ADGB: variants seen among roughly 807,000 people sequenced by gnomAD.
The protein encoded by ADGB is calpain-7-like protein.
In ADGB, 172 loss-of-function variants were observed where a neutral mutation model predicts 210.5. The ratio of observed to expected loss-of-function variants is 0.82; its 90% confidence interval spans 0.72 to 0.93. The LOEUF (loss-of-function observed/expected upper bound fraction) is 0.93. ADGB is among the 40% of genes least tolerant of loss of function. ADGB has a pLI of 0.00. For synonymous variants in ADGB, 658 were observed against 662.7 expected, an observed-to-expected ratio of 0.99 and a Z score of 0.11; for missense variants, 2,025 against 1,964.8, an observed-to-expected ratio of 1.03 and a Z score of -0.58.
At chr6:146,782,729 G>A (rs926300452) in intron 30 of ADGB, among the ~76,000 whole-genome samples, 5 of 152,090 alleles carry the variant, frequency 3.3e-5, no homozygotes, top group African/African-American at 1.2e-4. Flanking sequence ...TTGGAAGGCT[G>A]GGACTCTATA....
chr6:146,710,467 A>C (rs2114556863), intron 13 of ADGB, among the ~76,000 whole-genome samples: 1 of 152,264 alleles, frequency 6.6e-6, no homozygotes, highest in South Asian at 2.1e-4. Context: ...TCTTAGAGAC[A>C]GAAGGTATCC....
chr6:146,793,222 C>A (rs569882038), intron 33 of ADGB, among the ~76,000 whole-genome samples: 2 of 125,288 alleles, frequency 1.6e-5, no homozygotes, highest in African/African-American at 3.9e-5. Flanking sequence ...TTACAGAGCA[C>A]TGATTGGTGC....
Position 146,771,655 on chromosome 6 carries a change from T to C in ADGB, c.3862+2524T>C, listed in dbSNP as rs574588397. ...GGATGGTACAAATCATGTGGTAATT[T>C]TGTGTTCCCCTACTGCAAAGAAGTA... On this transcript the variant is annotated intron_variant, in intron 29 of 35. Transcript: ENST00000397944. 3.0e-3 allele frequency among the ~76,000 whole-genome samples: 460 copies of C among 152,326 alleles called. 4 individuals are homozygous for C. The highest frequency in any genetic ancestry group is 0.011 in the African/African-American group (444 of 41,578).
rs1777159324 is a variant in ADGB, at chr6:146,741,188, C to T, written c.3094C>T (p.Leu1032=). 6.5e-7 allele frequency: 1 copy of T among 1,550,318 alleles called. No individual in the cohort carries two copies. The highest frequency in any genetic ancestry group is 1.4e-5 in the African/African-American group (1 of 73,098). The change falls in exon 25 of 36, where the codon CTA becomes TTA. Residue 1032 remains leucine (L), a synonymous_variant. Transcript: ENST00000397944. ...KVYTTLPICI[L]HIVNNDTMEQ... ...ATATACTACACTTCCAATCTGTATC[C>T]TACACATTGTTAATAATGACACAAT... is the stretch of plus-strand genomic sequence containing the variant.
In ADGB at chr6:146,728,640, T is replaced by A. The variant is rs935555070; in HGVS notation, c.2419T>A (p.Phe807Ile). ...AGCTATTGGAAATGTGATTGCTAAT[T>A]TCAAAGATAAGGGTAAACTCTCTGC... is the stretch of plus-strand genomic sequence containing the variant. The part of the protein sequence containing the change: ...MKAIGNVIAN[F>I]KDKGKLSAAL... Residue 807 changes from phenylalanine to isoleucine, a missense_variant, in exon 20 of 36, where the codon TTC (phenylalanine) becomes ATC (isoleucine). Transcript: ENST00000397944. 2 of 1,551,510 alleles carry A rather than the reference T, an allele frequency of 1.3e-6. No homozygotes were observed. Among genetic ancestry groups the A allele is most frequent in the African/African-American group, 2.7e-5 (2 of 73,038 alleles).
intron 9 of ADGB, among the ~76,000 whole-genome samples, chr6:146,681,574 G>T (rs1399338018): frequency 1.3e-5 from 2 of 151,988 alleles, no homozygotes; most frequent in African/African-American, 4.8e-5. Flanking sequence ...TCTTCAAAGT[G>T]GCCTCTATGA....
chr6:146,807,597 G>A (rs1384948710), intron 35 of ADGB: 1 of 1,532,426 alleles, frequency 6.5e-7, no homozygotes, highest in African/African-American at 1.4e-5. Context: ...ACCAGGGGAT[G>A]TCCAATACCA....
chr6:146,640,171 A>G (rs980206808), intron 2 of ADGB, among the ~76,000 whole-genome samples: 1 of 152,054 alleles, frequency 6.6e-6, no homozygotes, highest in Admixed American at 6.6e-5. Flanking sequence ...AGAGATGGAT[A>G]AATTCCTGGA....
At chr6:146,622,776 T>C (rs1399185610) in intron 1 of ADGB, among the ~76,000 whole-genome samples, 1 of 152,078 alleles carries the variant, frequency 6.6e-6, no homozygotes, top group Non-Finnish European at 1.5e-5. Context: ...TCTTTAATGT[T>C]ATATTCAAGA....
In ADGB at chr6:146,728,751, T is replaced by C. The variant is rs1186501785; in HGVS notation, c.2520+10T>C. Reference sequence around the variant, plus strand: ...TGCACAGCACTTCAGGGTAAGCTTGTTTGGGATACAATGTTCAGAAGAGGA... The same window carrying C: ...TGCACAGCACTTCAGGGTAAGCTTGCTTGGGATACAATGTTCAGAAGAGGA... On this transcript the variant is annotated intron_variant, in intron 20 of 35. Transcript: ENST00000397944. The C allele has an allele frequency of 3.3e-6, 5 of 1,526,572 alleles. No homozygotes were observed. Among genetic ancestry groups the C allele is most frequent in the Non-Finnish European group, 2.7e-6 (3 of 1,130,270 alleles). The allele number at this position is 1,526,572 out of a possible 1,614,324, so 94.6% of individuals were successfully genotyped here.
intron 33 of ADGB, among the ~76,000 whole-genome samples, chr6:146,800,086 G>T (rs1778104387): frequency 6.6e-6 from 1 of 152,078 alleles, no homozygotes; most frequent in Non-Finnish European, 1.5e-5. Flanking sequence ...GGGATTACAG[G>T]CGTGAGCCAC....
At chr6:146,743,775 G>T (rs572812161) in intron 25 of ADGB, among the ~76,000 whole-genome samples, 10 of 152,234 alleles carry the variant, frequency 6.6e-5, no homozygotes, top group Non-Finnish European at 1.2e-4. Context: ...TTAGCCAGGC[G>T]TGGTGGCGTG....
chr6:146,692,799 C>T (rs1340268503), intron 11 of ADGB, 26 bp from the exon 12 acceptor site: 6 of 1,282,070 alleles, frequency 4.7e-6, no homozygotes, highest in Non-Finnish European at 6.5e-6. Flanking sequence ...AAATGTACAT[C>T]ATACTTTCTA....
intron 32 of ADGB, among the ~76,000 whole-genome samples, chr6:146,788,131 T>G (rs1279264907): frequency 6.6e-6 from 1 of 152,292 alleles, no homozygotes; most frequent in East Asian, 1.9e-4. Flanking sequence ...CCTATTTCCA[T>G]GTATGCTGTC....
intron 33 of ADGB, among the ~76,000 whole-genome samples, chr6:146,790,653 A>C (rs981591191): frequency 6.6e-6 from 1 of 152,228 alleles, no homozygotes; most frequent in Non-Finnish European, 1.5e-5. Flanking sequence ...ATGCACATAC[A>C]AGTACAGACA....
At chr6:146,609,701 T>G (rs1354109623) in intron 1 of ADGB, among the ~76,000 whole-genome samples, 1 of 152,224 alleles carries the variant, frequency 6.6e-6, no homozygotes, top group Non-Finnish European at 1.5e-5. Context: ...ACTTCAGTTA[T>G]GAAGCTTAGT....
chr6:146,606,946 G>T (rs1444774589), intron 1 of ADGB, among the ~76,000 whole-genome samples: 1 of 152,058 alleles, frequency 6.6e-6, no homozygotes, highest in Non-Finnish European at 1.5e-5. Context: ...AAACGACATT[G>T]GTATTGATAG....
At chr6:146,723,685 C>T (rs938906583) in intron 17 of ADGB, among the ~76,000 whole-genome samples, 7 of 152,058 alleles carry the variant, frequency 4.6e-5, no homozygotes, top group African/African-American at 7.2e-5. Flanking sequence ...TGCAGTAAAC[C>T]GAGATCGCAC....
chr6:146,801,126 A>T, intron 33 of ADGB, 57 bp from the exon 34 acceptor site: 1 of 869,816 alleles, frequency 1.1e-6, no homozygotes, highest in Non-Finnish European at 1.7e-6. Context: ...TCATTTGGTT[A>T]GTCATTATTA....
Sources: gnomAD v4.1 joint callset for allele counts (sites outside exome capture counted in the v4.1 genomes callset) on GRCh38, gnomAD v4.1.1 for gene constraint, MANE v1.5 for transcripts, NCBI Gene and HGNC (gene_info 2026-07-23, HGNC 2026-07-21) for gene names.